Variants in PHF21B observed in about 807,000 individuals in gnomAD.
The protein encoded by PHF21B is PHD finger protein 4.
In PHF21B, 22 loss-of-function variants were observed where a neutral mutation model predicts 62.2. That is an observed-to-expected ratio of 0.35 (90% CI 0.25 to 0.51). The LOEUF (loss-of-function observed/expected upper bound fraction) is 0.51. Among genes scored for constraint, PHF21B ranks in the 20% least tolerant of loss-of-function variants. PHF21B has a pLI of 0.97. For missense variants in PHF21B, 701 were observed against 707.9 expected, an observed-to-expected ratio of 0.99 and a Z score of 0.11; for synonymous variants, 341 against 314.7, an observed-to-expected ratio of 1.08 and a Z score of -0.88.
intron 5 of PHF21B, among the ~76,000 whole-genome samples, chr22:44,900,537 G>C (rs757167705): frequency 7.2e-5 from 11 of 152,184 alleles, no homozygotes; most frequent in Non-Finnish European, 1.5e-4. Context: ...CTGACCTCAA[G>C]TGATCCACCC....
intron 2 of PHF21B, among the ~76,000 whole-genome samples, chr22:44,940,789 A>G (rs1202053358): frequency 6.6e-6 from 1 of 152,138 alleles, no homozygotes; most frequent in Non-Finnish European, 1.5e-5. Flanking sequence ...AGGCTCAGGG[A>G]CTAGAGGCAA....
chr22:44,942,993 G>A (rs371064601), intron 2 of PHF21B, among the ~76,000 whole-genome samples: 11,274 of 62,356 alleles, frequency 0.18, 532 homozygotes, highest in South Asian at 0.24. Context: ...CAGCAGGGAG[G>A]GACCCCCCCC....
rs2073185993 is a variant in PHF21B at position 45,000,013 on chromosome 22, TGG to T, written c.120+8530_120+8531del. 5.3e-5 allele frequency among the ~76,000 whole-genome samples: 8 copies of T among 152,296 alleles called. No homozygotes were observed. In the South Asian group the frequency reaches 1.7e-3, roughly 32 times the overall value. Reference sequence around the variant, plus strand: ...ACCGAGCACCAGGCACTCTGCTGCCTGGCTGGCCATGAACTATTATTAATCCC... The same window carrying T: ...ACCGAGCACCAGGCACTCTGCTGCCTCTGGCCATGAACTATTATTAATCCC... On this transcript the variant is annotated intron_variant, in intron 2 of 12. Transcript: ENST00000313237.
At chr22:44,927,322 G>T (rs2071652318) in intron 2 of PHF21B, among the ~76,000 whole-genome samples, 1 of 152,130 alleles carries the variant, frequency 6.6e-6, no homozygotes, top group Non-Finnish European at 1.5e-5. Context: ...GCCCCTGCCT[G>T]GGACTCGAGG....
chr22:44,927,714 G>A (rs2071660479), intron 2 of PHF21B, among the ~76,000 whole-genome samples: 1 of 152,150 alleles, frequency 6.6e-6, no homozygotes, highest in Non-Finnish European at 1.5e-5. Context: ...TTAGCGAGCT[G>A]AAAGCCATTT....
At position 44,914,002 on chromosome 22, in the gene PHF21B, GGAGGGAGGGGT is replaced by G; in HGVS notation, c.640_650del (p.Thr214ProfsTer124). On this transcript the variant is annotated frameshift_variant, in exon 5 of 13. Transcript: ENST00000313237. LOFTEE classifies it high-confidence loss of function. The stretch of plus-strand genomic sequence containing the variant: ...GGAGGGGTGAAGGGGACAGTGATGG[GGAGGGAGGGGT>G]GAGGGGAAGAGAGGAGGGGTGGAGG... 6.5e-7 allele frequency: 1 copy of G among 1,547,426 alleles called. No individual in the cohort carries two copies. Among genetic ancestry groups the G allele is most frequent in the Non-Finnish European group, 8.9e-7 (1 of 1,121,148 alleles).
At chr22:44,931,046 A>G (rs898038790) in intron 2 of PHF21B, among the ~76,000 whole-genome samples, 2 of 152,132 alleles carry the variant, frequency 1.3e-5, no homozygotes, top group Non-Finnish European at 2.9e-5. Flanking sequence ...AAGCCCCACA[A>G]GGAGTCATTT....
chr22:44,958,168 G>A (rs1462238014), intron 2 of PHF21B, among the ~76,000 whole-genome samples: 1 of 152,182 alleles, frequency 6.6e-6, no homozygotes, highest in African/African-American at 2.4e-5. Flanking sequence ...CTCCCAAAGT[G>A]CTGGGATTAC....
chr22:44,954,064 T>C (rs2072246331), intron 2 of PHF21B, among the ~76,000 whole-genome samples: 1 of 152,236 alleles, frequency 6.6e-6, no homozygotes, highest in South Asian at 2.1e-4. Flanking sequence ...CCCACCGTGA[T>C]TCCTCTGGCC....
intron 2 of PHF21B, among the ~76,000 whole-genome samples, chr22:44,929,500 C>T (rs745519626): frequency 1.3e-5 from 2 of 152,242 alleles, no homozygotes; most frequent in Non-Finnish European, 2.9e-5. Flanking sequence ...CTCCAGCCCA[C>T]GTGCGTTTAC....
rs144138316 is a variant in PHF21B, at chr22:45,009,668, G to T, written c.-119C>A. ...GCGGCCTCCGGGCTGGGTTGGGGGGGACACGAGCCCCCTCCCCCACGGCCG... is the reference window on the plus strand; with the variant it reads ...GCGGCCTCCGGGCTGGGTTGGGGGGTACACGAGCCCCCTCCCCCACGGCCG... On this transcript the variant is annotated 5_prime_UTR_variant, in exon 1 of 13. Transcript: ENST00000313237. This position sits in a 1 kb window ranked among gnomAD's most constrained non-coding sequence, Gnocchi z 5.9. The T allele has an allele frequency of 4.4e-6, 4 of 916,128 alleles. No individual in the cohort carries two copies. Among genetic ancestry groups the T allele is most frequent in the Admixed American group, 3.9e-5 (1 of 25,724 alleles). 56.7% of individuals were successfully genotyped at this position (916,128 alleles called of 1,614,324 possible).
In PHF21B at chr22:44,892,648, T is replaced by G. The variant is rs372951966; in HGVS notation, c.960+809A>C. 3.9e-4 allele frequency among the ~76,000 whole-genome samples: 60 copies of G among 152,290 alleles called. 2 individuals carry two copies. The East Asian group carries it at 0.011, about 28-fold the overall frequency. On this transcript the variant is annotated intron_variant, in intron 7 of 12. Coordinates refer to ENST00000313237, the MANE Select transcript of PHF21B (RefSeq NM_138415.5). Reference sequence around the variant, plus strand: ...TGTCCCAAGCTCTGGACTTCGGAGCTCTAAGCAAATGGCTTCCATCCCAGA... The same window carrying G: ...TGTCCCAAGCTCTGGACTTCGGAGCGCTAAGCAAATGGCTTCCATCCCAGA...
At chr22:44,959,751 AGAT>A (rs1455585836) in intron 2 of PHF21B, among the ~76,000 whole-genome samples, 1 of 152,176 alleles carries the variant, frequency 6.6e-6, no homozygotes, top group East Asian at 1.9e-4. Flanking sequence ...AACAGTAAAG[AGAT>A]GACCACCAGG....
At chr22:44,991,016 C>A (rs1306692997) in intron 2 of PHF21B, among the ~76,000 whole-genome samples, 1 of 152,196 alleles carries the variant, frequency 6.6e-6, no homozygotes, top group Non-Finnish European at 1.5e-5. Context: ...GCCTGCGAGG[C>A]GGGAATCAAA....
At chr22:45,008,713 G>GC in intron 1 of PHF21B, 103 bp from the exon 2 acceptor site, 1 of 1,123,340 alleles carries the variant, frequency 8.9e-7, no homozygotes, top group Non-Finnish European at 1.1e-6. Flanking sequence ...CACGGGCGGG[G>GC]CCGGCCGCAG....
chr22:44,889,146 G>A (rs1270073448), intron 9 of PHF21B, among the ~76,000 whole-genome samples: 3 of 152,366 alleles, frequency 2.0e-5, no homozygotes, highest in South Asian at 4.1e-4. Context: ...GCAGGGACTA[G>A]AATGTTCTTT....
rs118030115 is a variant in PHF21B at position 44,883,667 on chromosome 22, T to C, written c.1378-363A>G. On this transcript the variant is annotated intron_variant, in intron 12 of 12. Transcript: ENST00000313237. ...GCTTCCCAGTCGCCTTTCTGCTCTT[T>C]CTCTCGCCTGTTGTGCTGTGTGGTG... Among the ~76,000 whole-genome samples the C allele has an allele frequency of 1.2e-4, 19 of 152,216 alleles. No homozygotes were observed. The East Asian group carries it at 1.4e-3, about 11-fold the overall frequency.
Position 44,961,814 on chromosome 22 carries a change from C to G in PHF21B, c.121-41324G>C, listed in dbSNP as rs111340378. ...CGAGGTTGCGCGCACCACTGCAATCCAGCCTGGGTGACAGAGCGAGACTCT... is the reference window on the plus strand; with the variant it reads ...CGAGGTTGCGCGCACCACTGCAATCGAGCCTGGGTGACAGAGCGAGACTCT... On this transcript the variant is annotated intron_variant, in intron 2 of 12. Transcript: ENST00000313237. Among the ~76,000 whole-genome samples, 879 of 151,618 alleles carry G rather than the reference C, an allele frequency of 5.8e-3. 10 individuals carry two copies. Among genetic ancestry groups the G allele is most frequent in the African/African-American group, 0.02 (844 of 41,276 alleles).
chr22:45,002,917 A>C (rs1257546780), intron 2 of PHF21B: 2 of 152,120 alleles, frequency 1.3e-5, no homozygotes, highest in African/African-American at 4.8e-5. Flanking sequence ...CTTGGCCACC[A>C]TCCGCGCCCA....
Sources: gnomAD v4.1 joint callset for allele counts (sites outside exome capture counted in the v4.1 genomes callset) on GRCh38, gnomAD v4.1.1 for gene constraint, Gnocchi (gnomAD v3.1) non-coding constraint, MANE v1.5 for transcripts, NCBI Gene and HGNC (gene_info 2026-07-23, HGNC 2026-07-21) for gene names.